The following METTL15 variants were observed in gnomAD, a reference collection of about 807,000 sequenced individuals.
The protein encoded by METTL15 is methyltransferase 15, mitochondrial 12S rRNA N4-cytidine, also known as 12S rRNA N(4)-cytidine methyltransferase METTL15.
Under a neutral mutation model 38.3 loss-of-function variants are expected in METTL15, and 34 were observed. The observed-to-expected ratio is 0.89, with a 90% CI of 0.68 to 1.18. The LOEUF is 1.18. Among genes scored for constraint, METTL15 ranks in the 50% most tolerant of loss-of-function variants. The pLI, the probability that METTL15 is intolerant of heterozygous loss-of-function variation, is 0.00. For missense variants in METTL15, 438 were observed against 498.4 expected, an observed-to-expected ratio of 0.88 and a Z score of 1.15; for synonymous variants, 162 against 170.9, an observed-to-expected ratio of 0.95 and a Z score of 0.41.
chr11:28,394,105 G>C (rs1850543509), intron 5 of METTL15, among the ~76,000 whole-genome samples: 1 of 152,006 alleles, frequency 6.6e-6, no homozygotes, highest in Admixed American at 6.6e-5. Context: ...TATTATTTTT[G>C]TGCGTCATGT....
intron 6 of METTL15, among the ~76,000 whole-genome samples, chr11:28,495,257 A>G (rs758371673): frequency 2.0e-5 from 3 of 152,298 alleles, no homozygotes; most frequent in South Asian, 2.1e-4. Flanking sequence ...GGAGGTGAAA[A>G]TACAGGCAGA....
chr11:28,363,806 A>G (rs1472482191), intron 5 of METTL15, among the ~76,000 whole-genome samples: 1 of 152,136 alleles, frequency 6.6e-6, no homozygotes, highest in Non-Finnish European at 1.5e-5. Flanking sequence ...TGTGATTTTT[A>G]TAGTTTGAGG....
At chr11:28,221,910 G>C (rs1356350850) in intron 4 of METTL15, among the ~76,000 whole-genome samples, 3 of 152,126 alleles carry the variant, frequency 2.0e-5, no homozygotes, top group Admixed American at 1.3e-4. Flanking sequence ...TCGTTCCTCT[G>C]GAAGTTTTGT....
rs543460895 is a variant in METTL15 at position 28,262,622 on chromosome 11, C to T, written c.408-27584C>T. The stretch of plus-strand genomic sequence containing the variant: ...TCAAGACTAAAAATTTCTCTTCTCA[C>T]TTTCTAGGTTAATCAGAGATACTGG... On this transcript the variant is annotated intron_variant, in intron 4 of 6. Coordinates refer to ENST00000407364, the MANE Select transcript of METTL15 (RefSeq NM_001113528.2). Among the ~76,000 whole-genome samples, 9 of 152,140 alleles carry T rather than the reference C, an allele frequency of 5.9e-5. No individual in the cohort carries two copies. In the South Asian group the frequency reaches 1.7e-3, roughly 28 times the overall value.
chr11:28,339,774 G>GA (rs945365938), intron 3 of METTL15, among the ~76,000 whole-genome samples: 1 of 151,844 alleles, frequency 6.6e-6, no homozygotes, highest in African/African-American at 2.4e-5. Context: ...CAAAGTTGAA[G>GA]AAAAAAAGTC....
chr11:28,458,708 G>A lies in METTL15; in HGVS notation c.*424+34344G>A, dbSNP rs576931433. On this transcript the variant is annotated intron_variant and NMD_transcript_variant, in intron 6 of 7. Coordinates refer to the METTL15 transcript ENST00000532947. ...ATTGCCTATACTACTTTTATCTGATGCTATTCAGAACAACACATAGCCCAC... is the reference window on the plus strand; with the variant it reads ...ATTGCCTATACTACTTTTATCTGATACTATTCAGAACAACACATAGCCCAC... 4.6e-5 allele frequency among the ~76,000 whole-genome samples: 7 copies of A among 152,292 alleles called. No individual in the cohort carries two copies. The South Asian group carries it at 1.5e-3, about 32-fold the overall frequency.
chr11:28,440,419 A>G (rs1162294544), intron 6 of METTL15, among the ~76,000 whole-genome samples: 1 of 152,152 alleles, frequency 6.6e-6, no homozygotes, highest in Admixed American at 6.5e-5. Flanking sequence ...TTTTGTCAGG[A>G]AAAAAAGTAA....
chr11:28,493,038 T>C (rs1202072161), intron 6 of METTL15, among the ~76,000 whole-genome samples: 1 of 152,188 alleles, frequency 6.6e-6, no homozygotes, highest in Non-Finnish European at 1.5e-5. Flanking sequence ...GTCTCTGTTG[T>C]AAACAAGAGG....
chr11:28,287,160 G>A (rs1266748331), intron 4 of METTL15: 3 of 88,648 alleles, frequency 3.4e-5, no homozygotes, highest in South Asian at 7.4e-4. Context: ...GAGACAATGT[G>A]TGTGTGTGTG....
intron 6 of METTL15, among the ~76,000 whole-genome samples, chr11:28,307,781 A>C (rs1036857971): frequency 6.6e-6 from 1 of 152,002 alleles, no homozygotes; most frequent in Non-Finnish European, 1.5e-5. Flanking sequence ...GATGAAGACA[A>C]AGGTTTTACT....
rs1849500804 is a variant in METTL15 at position 28,135,968 on chromosome 11, A to G, written c.270+22364A>G. 2.0e-5 allele frequency among the ~76,000 whole-genome samples: 3 copies of G among 152,314 alleles called. No homozygotes were observed. In the South Asian group the frequency reaches 6.2e-4, roughly 32 times the overall value. ...ATATTCATGAACCTTTCAGCTCTTC[A>G]TGAGTCCTGTATGTTTCTCTCTATT... On this transcript the variant is annotated intron_variant, in intron 3 of 6. Transcript: ENST00000407364.
At chr11:28,422,232 G>A (rs145752675) in intron 5 of METTL15, among the ~76,000 whole-genome samples, 2,687 of 152,004 alleles carry the variant, frequency 0.018, 52 homozygotes, top group African/African-American at 0.051. Flanking sequence ...TGGATTGGAA[G>A]AATCAATATT....
chr11:28,492,545 C>CAA (rs1020404054), intron 6 of METTL15, among the ~76,000 whole-genome samples: 1 of 151,546 alleles, frequency 6.6e-6, no homozygotes, highest in Admixed American at 6.6e-5. Context: ...CACACACACA[C>CAA]ATACACACAC....
intron 3 of METTL15, among the ~76,000 whole-genome samples, chr11:28,152,993 C>T (rs976401751): frequency 6.6e-6 from 1 of 151,952 alleles, no homozygotes; most frequent in African/African-American, 2.4e-5. Flanking sequence ...CAAACTGTCA[C>T]GGTGCTGGTG....
At chr11:28,369,434 C>A (rs1367849298) in intron 5 of METTL15, among the ~76,000 whole-genome samples, 2 of 151,808 alleles carry the variant, frequency 1.3e-5, no homozygotes, top group Non-Finnish European at 2.9e-5. Flanking sequence ...TATATACATC[C>A]AAATTCAAGG....
At chr11:28,527,928 A>G (rs775937029), downstream of METTL15, among the ~76,000 whole-genome samples, 11 of 152,216 alleles carry the variant, frequency 7.2e-5, no homozygotes, top group Non-Finnish European at 1.0e-4. Context: ...TCTGGAATAA[A>G]TATTTTCAAA....
At chr11:28,189,468 A>T (rs1445318030) in intron 3 of METTL15, among the ~76,000 whole-genome samples, 1 of 151,322 alleles carries the variant, frequency 6.6e-6, no homozygotes, top group African/African-American at 2.4e-5. Context: ...TAGCTAAAGC[A>T]CTAATTGGAA....
intron 3 of METTL15, among the ~76,000 whole-genome samples, chr11:28,199,561 C>T (rs1240442061): frequency 1.3e-5 from 2 of 151,950 alleles, no homozygotes; most frequent in Non-Finnish European, 2.9e-5. Context: ...TTGGCCAGTA[C>T]AACACTAATT....
intron 6 of METTL15, among the ~76,000 whole-genome samples, chr11:28,322,364 G>C (rs1849499509): frequency 6.6e-6 from 1 of 152,066 alleles, no homozygotes; most frequent in Admixed American, 6.6e-5. Flanking sequence ...TAAAGGATTT[G>C]TTCAAGCAAT....
Sources: gnomAD v4.1 joint callset for allele counts (sites outside exome capture counted in the v4.1 genomes callset) on GRCh38, gnomAD v4.1.1 for gene constraint, MANE v1.5 for transcripts, NCBI Gene and HGNC (gene_info 2026-07-23, HGNC 2026-07-21) for gene names.